IPO5: variants seen among roughly 807,000 people sequenced by gnomAD.
The protein encoded by IPO5 is importin-5.
A neutral mutation model predicts 143.3 loss-of-function variants in IPO5; 18 were observed. The ratio of observed to expected loss-of-function variants is 0.13; its 90% CI spans 0.09 to 0.19. The LOEUF (loss-of-function observed/expected upper bound fraction) is 0.19, where lower values mean the gene tolerates loss of function less well. Among genes scored for constraint, IPO5 ranks in the 10% least tolerant of loss-of-function variants. IPO5 has a pLI of 1.00. For synonymous variants in IPO5, 477 were observed against 465.7 expected (o/e 1.02, Z -0.31); for missense variants, 1,013 against 1,336.9 (o/e 0.76, Z 3.78).
intron 4 of IPO5, among the ~76,000 whole-genome samples, chr13:97,978,246 C>T (rs772532199): frequency 3.3e-5 from 5 of 152,112 alleles, no homozygotes; most frequent in Admixed American, 1.3e-4. Context: ...TCATTTTTTA[C>T]TTAATGGGCT....
intron 17 of IPO5, chr13:98,007,397 G>C (rs1282344654): frequency 6.6e-6 from 1 of 152,244 alleles, no homozygotes. Context: ...CCATTGGCCA[G>C]TGTGTTTCTC....
intron 11 of IPO5, among the ~76,000 whole-genome samples, chr13:97,996,693 C>T (rs1888321625): frequency 6.6e-6 from 1 of 152,100 alleles, no homozygotes; most frequent in Non-Finnish European, 1.5e-5. Flanking sequence ...AGCTCCACCT[C>T]CCAGGTTCAC....
chr13:97,977,244 T>A (rs1485238828), intron 4 of IPO5, among the ~76,000 whole-genome samples: 1 of 152,210 alleles, frequency 6.6e-6, no homozygotes, highest in Non-Finnish European at 1.5e-5. Context: ...CACGCCTGCT[T>A]CTACCCCTGC....
intron 14 of IPO5, 25 bp downstream of exon 14, chr13:98,002,616 C>G (rs762705444): frequency 3.1e-6 from 5 of 1,610,400 alleles, no homozygotes; most frequent in Non-Finnish European, 4.2e-6. Context: ...ATATTTGATT[C>G]AAAATGATTA....
intron 5 of IPO5, among the ~76,000 whole-genome samples, chr13:97,983,077 G>A (rs1204199135): frequency 1.3e-5 from 2 of 152,104 alleles, no homozygotes; most frequent in East Asian, 1.9e-4. Context: ...TGCCATGTTG[G>A]CCAGGCTGGT....
At chr13:97,976,662 T>G in intron 3 of IPO5, 31 bp from the exon 4 acceptor site, 1 of 1,135,716 alleles carries the variant, frequency 8.8e-7, no homozygotes, top group Non-Finnish European at 1.2e-6. Flanking sequence ...ACGGCTCCTG[T>G]CTCCCCTCCC....
chr13:97,982,583 G>C lies in IPO5; in HGVS notation c.171G>C (p.Glu57Asp), dbSNP rs1424022631. The change falls in exon 5 of 29, where the codon GAG (glutamate) becomes GAC (aspartate). Residue 57 changes from glutamate to aspartate, a missense_variant and splice_region_variant. By Grantham distance (45) the Glu-to-Asp change is conservative (BLOSUM62 2). Around this residue, in one of 2 missense-constraint regions of IPO5, gnomAD observed 328 missense variants for 342.0 expected, o/e 0.96. Coordinates refer to ENST00000651721, the MANE Select transcript of IPO5 (RefSeq NM_002271.6). ...TCAGAAATACAACAGCTGCTGAAGA[G>C]GTACTACCTTAATATTTGTGACTAT... is the stretch of plus-strand genomic sequence containing the variant. ...QAIRNTTAAE[E>D]ARQMAAVLLR... 1 of 1,566,944 alleles carries C rather than the reference G, an allele frequency of 6.4e-7. No homozygotes were observed. The highest frequency in any genetic ancestry group is 8.8e-7 in the Non-Finnish European group (1 of 1,137,584).
At chr13:97,968,035 G>GT (rs555235190) in intron 2 of IPO5, among the ~76,000 whole-genome samples, 41 of 152,196 alleles carry the variant, frequency 2.7e-4, no homozygotes, top group African/African-American at 9.9e-4. Context: ...ATTGCTCACT[G>GT]TAACTTTGAA....
chr13:97,968,478 A>G lies in IPO5; in HGVS notation c.-112-1245A>G, dbSNP rs541594823. ...TCCGTTACTGAAAGGTGGGAACAGA[A>G]GTCTCAAACTATTTTTGTTGAATTA... On this transcript the variant is annotated intron_variant, in intron 2 of 28. Coordinates refer to ENST00000651721, the MANE Select transcript of IPO5 (RefSeq NM_002271.6). 4.6e-5 allele frequency among the ~76,000 whole-genome samples: 7 copies of G among 152,302 alleles called. No homozygotes were observed. The East Asian group carries it at 1.4e-3, about 29-fold the overall frequency.
At chr13:97,957,111 G>A (rs898867182) in intron 2 of IPO5, among the ~76,000 whole-genome samples, 2 of 152,062 alleles carry the variant, frequency 1.3e-5, no homozygotes, top group African/African-American at 4.8e-5. Context: ...AAACTTAAGT[G>A]TATAAACAAA....
chr13:98,006,177 C>T lies in IPO5; in HGVS notation c.1545C>T (p.Ser515=), dbSNP rs962712040. Residue 515 remains serine (S), a synonymous_variant, in exon 17 of 29, where the codon TCC becomes TCT. Transcript: ENST00000651721. ...TAGTTTTGGAACAAGTTGTGACATC[C>T]ATTGCATCAGTTGCCGATACTGCAG... ...TKLVLEQVVT[S]IASVADTAEE... 3.7e-6 allele frequency: 6 copies of T among 1,613,682 alleles called. No individual in the cohort carries two copies. The highest frequency in any genetic ancestry group is 5.1e-6 in the Non-Finnish European group (6 of 1,179,880).
chr13:98,022,902 A>G lies in IPO5; in HGVS notation c.*1080A>G, dbSNP rs1168349381. The G allele has an allele frequency of 1.3e-5, 2 of 152,658 alleles. No individual in the cohort carries two copies. The highest frequency in any genetic ancestry group is 4.8e-5 in the African/African-American group (2 of 41,464). The allele number at this position is 152,658 out of a possible 1,614,324, so 9.5% of individuals were successfully genotyped here. A position where few individuals can be genotyped will look rare whatever the true frequency, so the allele number is the denominator to read the frequency against. On this transcript the variant is annotated 3_prime_UTR_variant, in exon 29 of 29. Coordinates refer to ENST00000651721, the MANE Select transcript of IPO5 (RefSeq NM_002271.6). ...AAAATGTGTGAATGTTTCTTTATGT[A>G]TTAACCTCATAGCAGTAAATGACTT...
chr13:98,021,850 C>A lies in IPO5; in HGVS notation c.*28C>A. 1.3e-6 allele frequency: 2 copies of A among 1,493,994 alleles called. No individual in the cohort carries two copies. The highest frequency in any genetic ancestry group is 1.9e-6 in the Non-Finnish European group (2 of 1,080,592). The allele number at this position is 1,493,994 out of a possible 1,614,324, so 92.5% of individuals were successfully genotyped here. ...GGCCTTAATGTCACCCACCAGAAAA[C>A]TAACTCCAAATAAACGCTTACCCTT... is the stretch of plus-strand genomic sequence containing the variant. On this transcript the variant is annotated 3_prime_UTR_variant, in exon 29 of 29. Coordinates refer to ENST00000651721, the MANE Select transcript of IPO5 (RefSeq NM_002271.6).
At position 97,958,201 on chromosome 13, in the gene IPO5, T is replaced by G. The variant is rs563829900; in HGVS notation, c.-113+4003T>G. On this transcript the variant is annotated intron_variant, in intron 2 of 28. Transcript: ENST00000651721. ...CCTGATGTCATCCACTTCCACAACT[T>G]TAAATGCCATGAAAGTGATGGCTTG... 4.6e-5 allele frequency among the ~76,000 whole-genome samples: 7 copies of G among 152,236 alleles called. No individual in the cohort carries two copies. The East Asian group carries it at 1.2e-3, about 25-fold the overall frequency.
At chr13:98,021,456 T>C (rs1566580534) in intron 28 of IPO5, 4 of 352,460 alleles carry the variant, frequency 1.1e-5, no homozygotes, top group Non-Finnish European at 2.0e-5. Context: ...CAAAAAACTT[T>C]ATATGATTTT....
chr13:97,958,535 A>G (rs991631992), intron 2 of IPO5, among the ~76,000 whole-genome samples: 8 of 152,088 alleles, frequency 5.3e-5, no homozygotes, highest in Non-Finnish European at 8.8e-5. Flanking sequence ...ACCCCATTGC[A>G]GGGTCCTCTA....
chr13:98,009,958 T>G lies in IPO5; in HGVS notation c.1878T>G (p.Val626=), dbSNP rs750596815. The G allele has an allele frequency of 3.1e-6, 5 of 1,614,088 alleles. No homozygotes were observed. Among genetic ancestry groups the G allele is most frequent in the Non-Finnish European group, 4.2e-6 (5 of 1,179,958 alleles). Residue 626 remains valine (V), a synonymous_variant, in exon 19 of 29, where the codon GTT becomes GTG. Coordinates refer to ENST00000651721, the MANE Select transcript of IPO5 (RefSeq NM_002271.6). ...GKEFQQYLPV[V]MGPLMKTASI... is the part of the protein sequence containing the mutation. ...AATTTCAGCAATACCTTCCAGTGGTTATGGGGCCTTTAATGAAGACGGCTT... is the reference window on the plus strand; with the variant it reads ...AATTTCAGCAATACCTTCCAGTGGTGATGGGGCCTTTAATGAAGACGGCTT...
At chr13:97,991,719 T>TA (rs1220470118) in intron 9 of IPO5, among the ~76,000 whole-genome samples, 3 of 152,200 alleles carry the variant, frequency 2.0e-5, no homozygotes, top group Non-Finnish European at 4.4e-5. Context: ...TCTTGATTGA[T>TA]ACAGTAGTTA....
chr13:98,016,570 C>T (rs1379776846), intron 24 of IPO5, among the ~76,000 whole-genome samples, 159 bp from the exon 25 acceptor site: 1 of 152,082 alleles, frequency 6.6e-6, no homozygotes, highest in African/African-American at 2.4e-5. Flanking sequence ...ATAACCCACA[C>T]TTGAGGGTTA....
Sources: gnomAD v4.1 joint callset for allele counts (sites outside exome capture counted in the v4.1 genomes callset) on GRCh38, gnomAD v4.1.1 for gene constraint, gnomAD v4.1.1 regional missense constraint, MANE v1.5 for transcripts, NCBI Gene and HGNC (gene_info 2026-07-23, HGNC 2026-07-21) for gene names.